Variants in AKT3 observed in about 807,000 individuals in gnomAD.
AKT3 encodes RAC-gamma serine/threonine-protein kinase.
Under a neutral mutation model 65.3 loss-of-function variants are expected in AKT3, and 15 were observed. That is an observed-to-expected ratio of 0.23 (90% CI 0.15 to 0.35). The LOEUF is 0.35. Ranked by LOEUF, AKT3 falls within the 10% of genes least tolerant of loss-of-function variation. The pLI, the probability that AKT3 is intolerant of heterozygous loss-of-function variation, is 1.00. For synonymous variants in AKT3, 206 were observed against 183.8 expected (o/e 1.12, Z -0.98); for missense variants, 243 against 576.5 (o/e 0.42, Z 5.92).
intron 2 of AKT3, among the ~76,000 whole-genome samples, chr1:243,707,879 T>C (rs1428448850): frequency 6.6e-6 from 1 of 152,120 alleles, no homozygotes; most frequent in Admixed American, 6.6e-5. Flanking sequence ...TATTTATACA[T>C]AGCCACTGCA....
At chr1:243,666,132 T>C (rs886235220) in intron 3 of AKT3, among the ~76,000 whole-genome samples, 2 of 152,152 alleles carry the variant, frequency 1.3e-5, no homozygotes, top group Non-Finnish European at 2.9e-5. Context: ...GCCACCCAAG[T>C]TGCTGTGATT....
At chr1:243,849,026 G>A (rs75405615) in intron 1 of AKT3, among the ~76,000 whole-genome samples, 4,639 of 152,284 alleles carry the variant, frequency 0.03, 93 homozygotes, top group Middle Eastern at 0.078. Context: ...GCCCCAACGA[G>A]ATTCTTTATC....
chr1:243,614,060 C>T (rs949777056), intron 7 of AKT3, among the ~76,000 whole-genome samples: 10 of 152,158 alleles, frequency 6.6e-5, no homozygotes, highest in Admixed American at 2.0e-4. Flanking sequence ...CTCATCCATG[C>T]AACCTCACAG....
intron 10 of AKT3, among the ~76,000 whole-genome samples, chr1:243,554,788 T>C (rs1409830200): frequency 6.6e-6 from 1 of 152,100 alleles, no homozygotes; most frequent in Non-Finnish European, 1.5e-5. Context: ...ACCTCTTTTT[T>C]TTTTCATAAA....
rs1266391711 is a variant in AKT3 at position 243,619,470 on chromosome 1, C to A, written c.562-4309G>T. Among the ~76,000 whole-genome samples, 8 of 101,660 alleles carry A rather than the reference C, an allele frequency of 7.9e-5. 3 individuals are homozygous for A. The highest frequency in any genetic ancestry group is 1.9e-4 in the Non-Finnish European group (7 of 36,004). The allele number at this position is 101,660 out of a possible 152,430, so 66.7% of individuals were successfully genotyped here. A position where few individuals can be genotyped will look rare whatever the true frequency, so the allele number is the denominator to read the frequency against. On this transcript the variant is annotated intron_variant, in intron 6 of 13. Coordinates refer to ENST00000673466, the MANE Select transcript of AKT3 (RefSeq NM_005465.7). ...ACTAGGTCTTATTACAACTGTACTT[C>A]TGTACCTATTAATCAACTCCATCTC...
intron 2 of AKT3, among the ~76,000 whole-genome samples, chr1:243,805,385 G>T (rs1034001214): frequency 6.6e-6 from 1 of 152,022 alleles, no homozygotes; most frequent in East Asian, 1.9e-4. Context: ...ACACTAGCAC[G>T]TTCCCCTCTG....
intron 3 of AKT3, among the ~76,000 whole-genome samples, chr1:243,677,038 CCATT>C (rs1683572571): frequency 6.6e-6 from 1 of 152,118 alleles, no homozygotes; most frequent in African/African-American, 2.4e-5. Context: ...TAAGGAAGCC[CCATT>C]AATTAAAACA....
chr1:243,604,735 A>G lies in AKT3; in HGVS notation c.696+8936T>C, dbSNP rs373753504. On this transcript the variant is annotated intron_variant, in intron 8 of 13. Transcript: ENST00000673466. Reference sequence around the variant, plus strand: ...GAGCAACCATGTCACTGCAGTGTATACAAGTATTTTCTCATCTATCTCCCC... The same window carrying G: ...GAGCAACCATGTCACTGCAGTGTATGCAAGTATTTTCTCATCTATCTCCCC... 5.3e-5 allele frequency among the ~76,000 whole-genome samples: 8 copies of G among 152,282 alleles called. No individual in the cohort carries two copies. In the East Asian group the frequency reaches 1.2e-3, roughly 22 times the overall value.
intron 1 of AKT3, among the ~76,000 whole-genome samples, chr1:243,847,305 T>G (rs1287087510): frequency 6.6e-6 from 1 of 152,168 alleles, no homozygotes; most frequent in East Asian, 1.9e-4. Context: ...ACTTCAAAAC[T>G]TAATCACACT....
At chr1:243,686,727 G>A (rs1185017499) in intron 3 of AKT3, among the ~76,000 whole-genome samples, 5 of 127,278 alleles carry the variant, frequency 3.9e-5, no homozygotes, top group African/African-American at 6.1e-5. Flanking sequence ...GAGTACAGTG[G>A]CATGGTCTTG....
At chr1:243,537,868 T>C (rs1672042571) in intron 12 of AKT3, among the ~76,000 whole-genome samples, 1 of 152,188 alleles carries the variant, frequency 6.6e-6, no homozygotes, top group African/African-American at 2.4e-5. Context: ...TTTTCTCACA[T>C]TGTTTTCCCA....
At chr1:243,599,566 G>GTGATGAGA (rs1676864686) in intron 8 of AKT3, among the ~76,000 whole-genome samples, 1 of 152,084 alleles carries the variant, frequency 6.6e-6, no homozygotes, top group Admixed American at 6.6e-5. Context: ...AAAGTCTACC[G>GTGATGAGA]TGATGAGAAA....
At chr1:243,707,150 G>C (rs1268961609) in intron 2 of AKT3, among the ~76,000 whole-genome samples, 1 of 152,122 alleles carries the variant, frequency 6.6e-6, no homozygotes, top group Non-Finnish European at 1.5e-5. Flanking sequence ...TCAGAGTAAG[G>C]CTAAGGAAAC....
downstream of AKT3, among the ~76,000 whole-genome samples, chr1:243,498,038 A>AT (rs953835769): frequency 2.1e-4 from 31 of 150,530 alleles, no homozygotes; most frequent in African/African-American, 7.5e-4. Flanking sequence ...GTATTCAGTC[A>AT]TCCTAGCATT....
intron 2 of AKT3, chr1:243,814,574 C>T (rs1558837849): frequency 1.3e-5 from 2 of 152,112 alleles, no homozygotes; most frequent in African/African-American, 4.8e-5. Flanking sequence ...ATCCCATGAT[C>T]CTAACAATTC....
intron 2 of AKT3, among the ~76,000 whole-genome samples, chr1:243,836,626 G>A (rs1024362632): frequency 1.3e-5 from 2 of 152,078 alleles, no homozygotes; most frequent in Non-Finnish European, 2.9e-5. Flanking sequence ...TCATTAAAAA[G>A]TTGGCTGGGT....
chr1:243,731,258 CTCA>C (rs1687547403), intron 2 of AKT3, among the ~76,000 whole-genome samples: 1 of 152,192 alleles, frequency 6.6e-6, no homozygotes, highest in Admixed American at 6.5e-5. Context: ...GTTGTAGCAG[CTCA>C]TGTTTTCTAC....
chr1:243,578,018 A>T (rs189048212), intron 8 of AKT3, among the ~76,000 whole-genome samples: 14 of 152,318 alleles, frequency 9.2e-5, no homozygotes, highest in Non-Finnish European at 1.8e-4. Context: ...AGTGATTATT[A>T]AAAAATCATG....
intron 2 of AKT3, among the ~76,000 whole-genome samples, chr1:243,717,872 A>T (rs1572220801): frequency 6.6e-6 from 1 of 152,222 alleles, no homozygotes; most frequent in African/African-American, 2.4e-5. Context: ...TTCGATCATA[A>T]AACATACATT....
Sources: allele counts gnomAD v4.1 joint callset (sites outside exome capture counted in the v4.1 genomes callset), GRCh38; gene constraint gnomAD v4.1.1; transcripts MANE v1.5; gene names NCBI Gene and HGNC (gene_info 2026-07-23, HGNC 2026-07-21).